The following MACROD2 variants were observed in gnomAD, a reference collection of about 807,000 sequenced individuals.
MACROD2 encodes ADP-ribose glycohydrolase MACROD2.
In MACROD2, 36 loss-of-function variants were observed where a neutral mutation model predicts 70.4. The observed-to-expected ratio is 0.51, with a 90% confidence interval of 0.39 to 0.68. The LOEUF (loss-of-function observed/expected upper bound fraction) is 0.68, where lower values mean the gene tolerates loss of function less well. MACROD2 is among the 30% of genes least tolerant of loss of function. The pLI is 0.00. For synonymous variants in MACROD2, 172 were observed against 178.8 expected, an observed-to-expected ratio of 0.96 and a Z score of 0.30; for missense variants, 496 against 538.4, an observed-to-expected ratio of 0.92 and a Z score of 0.78.
chr20:15,260,169 A>C (rs1199357900), intron 6 of MACROD2, among the ~76,000 whole-genome samples: 3 of 151,776 alleles, frequency 2.0e-5, no homozygotes, highest in Non-Finnish European at 4.4e-5. Context: ...GTTATTTTAA[A>C]GTATACAAAT....
At chr20:15,418,107 T>A (rs1380329910) in intron 6 of MACROD2, among the ~76,000 whole-genome samples, 2 of 152,222 alleles carry the variant, frequency 1.3e-5, no homozygotes, top group Non-Finnish European at 2.9e-5. Flanking sequence ...ACTGTGTGAC[T>A]CTGGGGAGGT....
chr20:15,567,106 T>TA (rs1460996370), intron 8 of MACROD2, among the ~76,000 whole-genome samples: 2 of 151,828 alleles, frequency 1.3e-5, no homozygotes, highest in Admixed American at 6.6e-5. Flanking sequence ...GTGGGGTTTT[T>TA]TTTTTCAGAA....
chr20:15,622,604 C>T (rs1213963486), intron 8 of MACROD2, among the ~76,000 whole-genome samples: 1 of 152,132 alleles, frequency 6.6e-6, no homozygotes, highest in African/African-American at 2.4e-5. Flanking sequence ...CATGAGATTT[C>T]ATCACACTAC....
In MACROD2 at chr20:14,879,310, A is replaced by AAAT. The variant is rs143609087; in HGVS notation, c.418+194352_418+194354dup. ...TTTAATGTATGTCATCTGTATACCTAAATTCTTTGGGTTAATATTAAAAAA... is the reference window on the plus strand; with the variant it reads ...TTTAATGTATGTCATCTGTATACCTAAATAATTCTTTGGGTTAATATTAAAAAA... On this transcript the variant is annotated intron_variant, in intron 5 of 17. Transcript: ENST00000684519. 1.0e-3 allele frequency among the ~76,000 whole-genome samples: 152 copies of AAAT among 152,280 alleles called. 2 individuals carry two copies. Among genetic ancestry groups the AAAT allele is most frequent in the African/African-American group, 3.3e-3 (138 of 41,568 alleles).
At chr20:14,834,518 C>A (rs369739235) in intron 5 of MACROD2, among the ~76,000 whole-genome samples, 1 of 151,958 alleles carries the variant, frequency 6.6e-6, no homozygotes, top group African/African-American at 2.4e-5. Context: ...AGTTAAAATT[C>A]GAAGGGACCC....
chr20:15,993,350 G>C (rs1464411025), intron 15 of MACROD2, among the ~76,000 whole-genome samples: 1 of 151,340 alleles, frequency 6.6e-6, no homozygotes, highest in Non-Finnish European at 1.5e-5. Flanking sequence ...ATAAGATTAT[G>C]ATGCTACATT....
intron 6 of MACROD2, among the ~76,000 whole-genome samples, chr20:15,253,780 T>G (rs535083297): frequency 3.5e-4 from 53 of 152,340 alleles, no homozygotes; most frequent in Non-Finnish European, 6.9e-4. Flanking sequence ...TCGACTGAGC[T>G]ACATCCACAC....
rs193089533 is a variant in MACROD2, at chr20:15,257,088, T to C, written c.540+27027T>C. On this transcript the variant is annotated intron_variant, in intron 6 of 17. Coordinates refer to ENST00000684519, the MANE Select transcript of MACROD2 (RefSeq NM_001351661.2). ...CTTTTCTTTCTCTTAGCTATTTTTTTACTCTGGATTACGGTGTGGATATTA... is the reference window on the plus strand; with the variant it reads ...CTTTTCTTTCTCTTAGCTATTTTTTCACTCTGGATTACGGTGTGGATATTA... Among the ~76,000 whole-genome samples the C allele has an allele frequency of 9.2e-5, 14 of 152,200 alleles. No homozygotes were observed. In the East Asian group the frequency reaches 2.7e-3, roughly 29 times the overall value.
chr20:15,310,656 A>G (rs1192052451), intron 6 of MACROD2, among the ~76,000 whole-genome samples: 2 of 152,174 alleles, frequency 1.3e-5, no homozygotes, highest in African/African-American at 4.8e-5. Context: ...ATGAACTTGA[A>G]GGACAAAATT....
chr20:14,547,479 T>C (rs555833024), intron 4 of MACROD2: 1 of 182,576 alleles, frequency 5.5e-6, no homozygotes, highest in African/African-American at 2.4e-5. Flanking sequence ...GAGCTGCAAA[T>C]CGAGTCTGGC....
intron 8 of MACROD2, among the ~76,000 whole-genome samples, chr20:15,630,740 C>G (rs557292973): frequency 1.3e-5 from 2 of 152,230 alleles, no homozygotes; most frequent in Non-Finnish European, 2.9e-5. Flanking sequence ...AGAGGGTGGT[C>G]TTTTCCTAAC....
chr20:15,057,933 A>G (rs1336804682), intron 5 of MACROD2, among the ~76,000 whole-genome samples: 3 of 152,100 alleles, frequency 2.0e-5, no homozygotes, highest in Admixed American at 6.5e-5. Context: ...TGATTTGTCT[A>G]TGACTTTCCT....
intron 5 of MACROD2, among the ~76,000 whole-genome samples, chr20:14,708,774 T>G (rs564876126): frequency 2.6e-5 from 4 of 152,052 alleles, no homozygotes; most frequent in African/African-American, 9.7e-5. Context: ...CCCGCCACCA[T>G]GCCCAGCTAA....
chr20:14,717,163 A>G (rs556510307), intron 5 of MACROD2, among the ~76,000 whole-genome samples: 1 of 152,324 alleles, frequency 6.6e-6, no homozygotes, highest in East Asian at 1.9e-4. Context: ...GAAACATAAT[A>G]GTTAATTTTT....
At position 15,225,654 on chromosome 20, in the gene MACROD2, G is replaced by A. The variant is rs548043633; in HGVS notation, c.419-4286G>A. ...CTGAATTTTATTTTTATGTTGTAAT[G>A]TGTCTTGGGTATCTTTCCATATGCA... On this transcript the variant is annotated intron_variant, in intron 5 of 17. Coordinates refer to ENST00000684519, the MANE Select transcript of MACROD2 (RefSeq NM_001351661.2). Among the ~76,000 whole-genome samples, 396 of 152,216 alleles carry A rather than the reference G, an allele frequency of 2.6e-3. 1 individual carries two copies. The highest frequency in any genetic ancestry group is 9.2e-3 in the African/African-American group (382 of 41,546).
intron 4 of MACROD2, chr20:14,567,055 T>G (rs1979856253): frequency 6.6e-6 from 1 of 151,952 alleles, no homozygotes; most frequent in South Asian, 2.1e-4. Context: ...ACTCCTGGGC[T>G]CCAGTGATCC....
intron 5 of MACROD2, among the ~76,000 whole-genome samples, chr20:15,181,172 A>T (rs1012295009): frequency 2.0e-4 from 30 of 152,198 alleles, no homozygotes; most frequent in African/African-American, 7.0e-4. Context: ...TTCACATCCT[A>T]CACAGACTGT....
intron 5 of MACROD2, among the ~76,000 whole-genome samples, chr20:14,766,448 GCGCCAGGAAGAAAAAGAGGGTCAAATT>G (rs1357301186): frequency 1.3e-5 from 2 of 152,094 alleles, no homozygotes; most frequent in Non-Finnish European, 2.9e-5. Flanking sequence ...TTTTATGGCA[GCGCCAGGAAGAAAAAGAGGGTCAAATT>G]CACAAAGCAA....
intron 5 of MACROD2, among the ~76,000 whole-genome samples, chr20:14,975,557 G>A (rs1280323841): frequency 2.0e-5 from 3 of 152,078 alleles, no homozygotes; most frequent in South Asian, 2.1e-4. Context: ...GGTCAGATGA[G>A]GGGAGGAAAG....
Sources: allele counts gnomAD v4.1 joint callset (sites outside exome capture counted in the v4.1 genomes callset), GRCh38; gene constraint gnomAD v4.1.1; transcripts MANE v1.5; gene names NCBI Gene and HGNC (gene_info 2026-07-23, HGNC 2026-07-21).